BCHE: variants seen among roughly 807,000 people sequenced by gnomAD.
The protein encoded by BCHE is butyrylcholinesterase.
BCHE carries 48 observed loss-of-function variants against 51.3 expected under a neutral mutation model. That is an observed-to-expected ratio of 0.94 (90% CI 0.74 to 1.19). The LOEUF is 1.19. BCHE is among the 50% of genes most tolerant of loss of function. The probability of loss-of-function intolerance (pLI) is 0.00; values close to 1 mark genes in which losing one functional copy is unlikely to be tolerated. For missense variants in BCHE, 847 were observed against 708.2 expected (o/e 1.20, Z -2.23); for synonymous variants, 251 against 238.0 (o/e 1.05, Z -0.50).
intron 2 of BCHE, among the ~76,000 whole-genome samples, chr3:165,826,186 G>A (rs1390828840): frequency 6.6e-6 from 1 of 152,000 alleles, no homozygotes; most frequent in East Asian, 1.9e-4. Flanking sequence ...TCTACAACAA[G>A]ACAAAAGTCT....
chr3:165,781,739 G>A (rs750890315), intron 3 of BCHE, among the ~76,000 whole-genome samples: 9 of 152,064 alleles, frequency 5.9e-5, no homozygotes, highest in Middle Eastern at 3.4e-3. Context: ...CACATGTATC[G>A]CAGCACTTAA....
chr3:165,809,413 G>C (rs1713994030), intron 2 of BCHE, among the ~76,000 whole-genome samples: 1 of 151,702 alleles, frequency 6.6e-6, no homozygotes, highest in African/African-American at 2.4e-5. Flanking sequence ...TGTTTTTTTT[G>C]TATGGCATTC....
At chr3:165,813,395 C>T (rs563774685) in intron 2 of BCHE, among the ~76,000 whole-genome samples, 392 of 151,586 alleles carry the variant, frequency 2.6e-3, no homozygotes, top group Non-Finnish European at 4.5e-3. Context: ...ATTGCATTTT[C>T]ATCATCTTAT....
intron 3 of BCHE, among the ~76,000 whole-genome samples, chr3:165,785,049 AC>A (rs957370694): frequency 1.3e-5 from 2 of 151,724 alleles, no homozygotes; most frequent in African/African-American, 4.8e-5. Context: ...TATATCAGAA[AC>A]ATTTCCCAAG....
intron 3 of BCHE, among the ~76,000 whole-genome samples, chr3:165,780,298 A>G (rs1712643695): frequency 6.6e-6 from 1 of 152,214 alleles, no homozygotes; most frequent in South Asian, 2.1e-4. Flanking sequence ...ACCTCAAAAA[A>G]TAACAATTCT....
At chr3:165,789,175 A>C (rs968901911) in intron 2 of BCHE, among the ~76,000 whole-genome samples, 9 of 152,164 alleles carry the variant, frequency 5.9e-5, no homozygotes, top group Non-Finnish European at 1.2e-4. Context: ...TATGTGTTCT[A>C]TTCTTAGTAT....
chr3:165,818,358 C>G (rs1217226076), intron 2 of BCHE, among the ~76,000 whole-genome samples: 1 of 151,966 alleles, frequency 6.6e-6, no homozygotes, highest in Non-Finnish European at 1.5e-5. Context: ...ACAATATATT[C>G]TTATATTTAA....
intron 2 of BCHE, among the ~76,000 whole-genome samples, chr3:165,802,903 G>A (rs1713721589): frequency 6.6e-6 from 1 of 151,782 alleles, no homozygotes; most frequent in Admixed American, 6.6e-5. Context: ...CACCAAGCCC[G>A]GCTAATTTTT....
intron 2 of BCHE, among the ~76,000 whole-genome samples, chr3:165,818,547 T>C (rs1714390687): frequency 2.0e-5 from 3 of 152,280 alleles, no homozygotes; most frequent in South Asian, 4.1e-4. Flanking sequence ...GTAGCTTTCT[T>C]TGTAAAATAG....
chr3:165,819,074 C>CTTTTT (rs5854159), intron 2 of BCHE, among the ~76,000 whole-genome samples: 1 of 136,600 alleles, frequency 7.3e-6, no homozygotes, highest in Non-Finnish European at 1.5e-5. Flanking sequence ...TTTTTAACTT[C>CTTTTT]TTTTTTTTTT....
At chr3:165,785,523 C>T (rs185656502) in intron 3 of BCHE, among the ~76,000 whole-genome samples, 262 of 151,810 alleles carry the variant, frequency 1.7e-3, no homozygotes, top group African/African-American at 6.1e-3. Flanking sequence ...TTTCCTTACC[C>T]ATTTCTCACC....
intron 2 of BCHE, among the ~76,000 whole-genome samples, chr3:165,796,803 C>G (rs889214630): frequency 1.3e-5 from 2 of 152,148 alleles, no homozygotes; most frequent in Non-Finnish European, 2.9e-5. Flanking sequence ...GCACAGTTCT[C>G]TTTTAGTAAT....
intron 1 of BCHE, among the ~76,000 whole-genome samples, chr3:165,831,912 A>G (rs1715003496): frequency 6.6e-6 from 1 of 152,174 alleles, no homozygotes; most frequent in South Asian, 2.1e-4. Context: ...GTATTACTCA[A>G]TATGTATTCA....
In BCHE at chr3:165,773,362, A is replaced by G; in HGVS notation, c.*20T>C. 6.2e-7 allele frequency: 1 copy of G among 1,605,382 alleles called. No individual in the cohort carries two copies. ...CTTGATCTAAAGGAAAATATGTTCT[A>G]TAAAGGGTAAATCTATTAATTAGAG... is the stretch of plus-strand genomic sequence containing the variant. On this transcript the variant is annotated 3_prime_UTR_variant, in exon 4 of 4. Transcript: ENST00000264381.
In BCHE at chr3:165,830,955, G is replaced by A. The variant is rs769875412; in HGVS notation, c.79C>T (p.His27Tyr). 3.1e-6 allele frequency: 5 copies of A among 1,613,730 alleles called. No individual in the cohort carries two copies. Among genetic ancestry groups the A allele is most frequent in the Non-Finnish European group, 2.5e-6 (3 of 1,179,880 alleles). The change falls in exon 2 of 4, where the codon CAT (histidine) becomes TAT (tyrosine). Residue 27 changes from histidine to tyrosine, a missense_variant. Physicochemically the swap from His to Tyr is moderately conservative, Grantham distance 83. Coordinates refer to ENST00000264381, the MANE Select transcript of BCHE (RefSeq NM_000055.4). ...LLLCMLIGKS[H>Y]TEDDIIIATK... ...GCAATTATGATGTCATCTTCAGTATGTGACTTCCCAATAAGCATGCAGAGC... is the reference window on the plus strand; with the variant it reads ...GCAATTATGATGTCATCTTCAGTATATGACTTCCCAATAAGCATGCAGAGC...
In BCHE at chr3:165,773,099, A is replaced by G. The variant is rs915705995; in HGVS notation, c.*283T>C. The G allele has an allele frequency of 7.7e-6, 2 of 258,896 alleles. No individual in the cohort carries two copies. The highest frequency in any genetic ancestry group is 2.3e-5 in the African/African-American group (1 of 44,300). The allele number at this position is 258,896 out of a possible 1,614,324, so 16.0% of individuals were successfully genotyped here. A position where few individuals can be genotyped will look rare whatever the true frequency, so the allele number is the denominator to read the frequency against. ...GATAATTTTGGGGGGAAAAACTTAAATTTATTAAGGAAAGAAAGAAATTGA... is the reference window on the plus strand; with the variant it reads ...GATAATTTTGGGGGGAAAAACTTAAGTTTATTAAGGAAAGAAAGAAATTGA... On this transcript the variant is annotated 3_prime_UTR_variant, in exon 4 of 4. Coordinates refer to ENST00000264381, the MANE Select transcript of BCHE (RefSeq NM_000055.4).
intron 3 of BCHE, among the ~76,000 whole-genome samples, chr3:165,780,165 T>C (rs1163407685): frequency 6.6e-6 from 1 of 152,162 alleles, no homozygotes; most frequent in East Asian, 1.9e-4. Flanking sequence ...GGGGAAAAGA[T>C]TCCCTATCTA....
chr3:165,796,556 C>T (rs1296672400), intron 2 of BCHE, among the ~76,000 whole-genome samples: 1 of 152,030 alleles, frequency 6.6e-6, no homozygotes, highest in Non-Finnish European at 1.5e-5. Flanking sequence ...AATATTTTTT[C>T]TTTTTAATCC....
chr3:165,821,390 T>A lies in BCHE; in HGVS notation c.1517+8127A>T, dbSNP rs181705494. 5.1e-4 allele frequency among the ~76,000 whole-genome samples: 77 copies of A among 151,710 alleles called. No individual in the cohort carries two copies. The Middle Eastern group carries it at 0.01, about 20-fold the overall frequency. On this transcript the variant is annotated intron_variant, in intron 2 of 3. Coordinates refer to ENST00000264381, the MANE Select transcript of BCHE (RefSeq NM_000055.4). ...CTCCATCCATAATTTCTTTGACCTT[T>A]CCCCAGTTTTTCTGTTGTCATTTAA... is the stretch of plus-strand genomic sequence containing the variant.
Sources: allele counts gnomAD v4.1 joint callset (sites outside exome capture counted in the v4.1 genomes callset), GRCh38; gene constraint gnomAD v4.1.1; transcripts MANE v1.5; gene names NCBI Gene and HGNC (gene_info 2026-07-23, HGNC 2026-07-21).